Variants in TEAD1 observed in about 807,000 individuals in gnomAD.
TEAD1 encodes the protein transcriptional enhancer factor TEF-1.
Under a neutral mutation model 54.9 loss-of-function variants are expected in TEAD1, and 9 were observed. The observed-to-expected ratio is 0.16, with a 90% CI of 0.10 to 0.29. The LOEUF is 0.29. Ranked by LOEUF, TEAD1 falls within the 10% of genes least tolerant of loss-of-function variation. The pLI is 1.00. For missense variants in TEAD1, 387 were observed against 535.9 expected (o/e 0.72, Z 2.74); for synonymous variants, 200 against 187.8 (o/e 1.07, Z -0.53).
chr11:12,891,135 G>A (rs1249915044), intron 9 of TEAD1, among the ~76,000 whole-genome samples: 1 of 152,156 alleles, frequency 6.6e-6, no homozygotes, highest in African/African-American at 2.4e-5. Context: ...AAATCTCCAA[G>A]CATAAGAGAA....
intron 3 of TEAD1, among the ~76,000 whole-genome samples, chr11:12,830,742 TCACA>T (rs1195830987): frequency 6.6e-6 from 1 of 151,136 alleles, no homozygotes; most frequent in African/African-American, 2.4e-5. Context: ...ATATTTGCAA[TCACA>T]CACACACACA....
chr11:12,815,941 T>C (rs1287622771), intron 3 of TEAD1, among the ~76,000 whole-genome samples: 1 of 152,208 alleles, frequency 6.6e-6, no homozygotes, highest in Non-Finnish European at 1.5e-5. Context: ...GTAGAGCTAA[T>C]CCTTTTAAAT....
chr11:12,767,623 C>A (rs1285129524), intron 3 of TEAD1, among the ~76,000 whole-genome samples: 1 of 152,052 alleles, frequency 6.6e-6, no homozygotes, highest in Non-Finnish European at 1.5e-5. Context: ...TTTTTGGCCA[C>A]CGGAGGAGGT....
At chr11:12,740,842 G>A (rs947927456) in intron 2 of TEAD1, among the ~76,000 whole-genome samples, 3 of 152,090 alleles carry the variant, frequency 2.0e-5, no homozygotes, top group East Asian at 1.9e-4. Context: ...ATCAGTTGGC[G>A]GTTGCCTCGG....
intron 3 of TEAD1, among the ~76,000 whole-genome samples, chr11:12,770,648 C>T (rs1468645224): frequency 6.6e-6 from 1 of 152,166 alleles, no homozygotes; most frequent in Non-Finnish European, 1.5e-5. Flanking sequence ...TGAGGTCCAG[C>T]AAGGTCAAGT....
chr11:12,839,058 A>G (rs530582073), intron 3 of TEAD1, among the ~76,000 whole-genome samples: 29 of 152,250 alleles, frequency 1.9e-4, no homozygotes, highest in East Asian at 5.8e-4. Context: ...ACTTGGGACA[A>G]TTCCCAAATA....
chr11:12,692,828 A>G (rs991494979), intron 2 of TEAD1, among the ~76,000 whole-genome samples: 9 of 152,242 alleles, frequency 5.9e-5, no homozygotes, highest in African/African-American at 1.7e-4. Context: ...GGAGGAGCCC[A>G]GCCATGCAGC....
At chr11:12,797,728 C>T (rs1239502919) in intron 3 of TEAD1, among the ~76,000 whole-genome samples, 1 of 152,030 alleles carries the variant, frequency 6.6e-6, no homozygotes, top group Non-Finnish European at 1.5e-5. Context: ...AATGGTTGTC[C>T]CTTCATCACC....
chr11:12,903,253 CT>C (rs1348351905), intron 10 of TEAD1, among the ~76,000 whole-genome samples: 2 of 152,190 alleles, frequency 1.3e-5, no homozygotes, highest in African/African-American at 4.8e-5. Flanking sequence ...ATCTGTGTGA[CT>C]TTAATGCCTC....
intron 10 of TEAD1, among the ~76,000 whole-genome samples, chr11:12,916,751 C>T (rs533828515): frequency 1.4e-4 from 22 of 152,240 alleles, no homozygotes; most frequent in East Asian, 3.9e-4. Context: ...GGACCAGTGT[C>T]GGACTGGATG....
intron 3 of TEAD1, among the ~76,000 whole-genome samples, chr11:12,848,533 T>C (rs1947203738): frequency 1.3e-5 from 2 of 152,220 alleles, no homozygotes; most frequent in Non-Finnish European, 2.9e-5. Flanking sequence ...CTCCACTGCT[T>C]AATTAGTTTG....
chr11:12,725,118 G>A (rs1438781030), intron 2 of TEAD1, among the ~76,000 whole-genome samples: 1 of 152,148 alleles, frequency 6.6e-6, no homozygotes, highest in East Asian at 1.9e-4. Context: ...AGTTGGTTTG[G>A]CCCTTTACAG....
chr11:12,681,770 C>T (rs952479598), intron 2 of TEAD1, among the ~76,000 whole-genome samples: 5 of 152,248 alleles, frequency 3.3e-5, no homozygotes, highest in South Asian at 2.1e-4. Context: ...TCCTGTCTCC[C>T]GCTGCCTGCG....
chr11:12,779,190 G>C (rs919771849), intron 3 of TEAD1, among the ~76,000 whole-genome samples: 1 of 152,168 alleles, frequency 6.6e-6, no homozygotes. Context: ...TTCCACCACT[G>C]ATTATTCTAA....
At chr11:12,809,200 A>G (rs904048364) in intron 3 of TEAD1, among the ~76,000 whole-genome samples, 5 of 152,132 alleles carry the variant, frequency 3.3e-5, no homozygotes, top group African/African-American at 9.7e-5. Context: ...TTGAAGGGAG[A>G]GCAGTGGACA....
At chr11:12,756,367 A>T (rs1331513940) in intron 2 of TEAD1, among the ~76,000 whole-genome samples, 4 of 152,158 alleles carry the variant, frequency 2.6e-5, no homozygotes, top group Non-Finnish European at 1.5e-5. Flanking sequence ...TGACAATGAC[A>T]TACTTTCTGT....
At chr11:12,904,464 G>GT (rs1320780217) in intron 10 of TEAD1, among the ~76,000 whole-genome samples, 1 of 152,142 alleles carries the variant, frequency 6.6e-6, no homozygotes, top group East Asian at 1.9e-4. Context: ...GGATTTTAAT[G>GT]TAACAGAGTT....
intron 5 of TEAD1, chr11:12,865,131 G>A (rs1947591690): frequency 6.8e-6 from 4 of 588,790 alleles, no homozygotes; most frequent in Non-Finnish European, 1.2e-5. Flanking sequence ...GTGTGTATGT[G>A]TGTGTTCCTA....
At chr11:12,693,011 G>C (rs997389610) in intron 2 of TEAD1, among the ~76,000 whole-genome samples, 5 of 152,130 alleles carry the variant, frequency 3.3e-5, no homozygotes, top group African/African-American at 4.8e-5. Flanking sequence ...ACCCCTACTG[G>C]TCCTGTGCTT....
Sources: gnomAD v4.1 joint callset for allele counts (sites outside exome capture counted in the v4.1 genomes callset) on GRCh38, gnomAD v4.1.1 for gene constraint, MANE v1.5 for transcripts, NCBI Gene and HGNC (gene_info 2026-07-23, HGNC 2026-07-21) for gene names.